The following GRIP1 variants were observed in gnomAD, a reference collection of about 807,000 sequenced individuals.
The protein encoded by GRIP1 is glutamate receptor-interacting protein 1.
Under a neutral mutation model 129.9 loss-of-function variants are expected in GRIP1, and 45 were observed. The observed-to-expected ratio is 0.35, with a 90% CI of 0.27 to 0.44. The LOEUF is 0.44. Ranked by LOEUF, GRIP1 falls within the 20% of genes least tolerant of loss-of-function variation. The probability of loss-of-function intolerance (pLI) is 1.00; values close to 1 mark genes in which losing one functional copy is unlikely to be tolerated. For synonymous variants in GRIP1, 530 were observed against 520.8 expected, an observed-to-expected ratio of 1.02 and a Z score of -0.24; for missense variants, 1,196 against 1,396.8, an observed-to-expected ratio of 0.86 and a Z score of 2.29.
chr12:66,859,275 ACAAAAAAACAAAAAAACAAAAAAAC>A (rs557684348), intron 1 of GRIP1, among the ~76,000 whole-genome samples: 7,441 of 21,206 alleles, frequency 0.35, 874 homozygotes, highest in East Asian at 0.53. Context: ...AAACAAAAAA[ACAAAAAAACAAAAAAACAAAAAAAC>A]AAAAAAAAAC....
intron 23 of GRIP1, among the ~76,000 whole-genome samples, chr12:66,358,731 C>T (rs946314968): frequency 1.3e-5 from 2 of 152,190 alleles, no homozygotes; most frequent in Middle Eastern, 6.3e-3. Context: ...GCTGAGATTA[C>T]AGGCATGAGC....
chr12:66,454,235 C>T (rs1018183332), intron 11 of GRIP1, among the ~76,000 whole-genome samples: 1 of 152,160 alleles, frequency 6.6e-6, no homozygotes, highest in African/African-American at 2.4e-5. Flanking sequence ...GGAGAGAGAT[C>T]CTCCTGGGGA....
chr12:66,884,313 T>C (rs1034878514), intron 1 of GRIP1, among the ~76,000 whole-genome samples: 2 of 15,280 alleles, frequency 1.3e-4, no homozygotes, highest in Non-Finnish European at 7.5e-4. Flanking sequence ...AGAGAGCTAT[T>C]TGAGAAATTG....
chr12:66,730,713 A>C (rs1213895129), intron 1 of GRIP1, among the ~76,000 whole-genome samples: 1 of 151,714 alleles, frequency 6.6e-6, no homozygotes, highest in Non-Finnish European at 1.5e-5. Context: ...AAAAAAAAAA[A>C]AAAAAAAACT....
chr12:66,891,449 G>A (rs1006133721), intron 1 of GRIP1, among the ~76,000 whole-genome samples: 5 of 152,198 alleles, frequency 3.3e-5, no homozygotes, highest in African/African-American at 1.2e-4. Flanking sequence ...CAGTCAGGAA[G>A]TAACAAGAAA....
chr12:66,856,362 A>G (rs2040003827), intron 1 of GRIP1, among the ~76,000 whole-genome samples: 1 of 152,320 alleles, frequency 6.6e-6, no homozygotes, highest in South Asian at 2.1e-4. Flanking sequence ...AGAAGCCAAA[A>G]TTGACAAATG....
upstream of GRIP1, among the ~76,000 whole-genome samples, chr12:66,682,806 C>A (rs1388859668): frequency 6.6e-6 from 1 of 152,184 alleles, no homozygotes; most frequent in Non-Finnish European, 1.5e-5. Context: ...AAATACTCAA[C>A]TATTTTATAT....
At chr12:66,965,135 A>C (rs113505263) in intron 1 of GRIP1, among the ~76,000 whole-genome samples, 1 of 152,250 alleles carries the variant, frequency 6.6e-6, no homozygotes, top group Non-Finnish European at 1.5e-5. Flanking sequence ...ATAATATTCT[A>C]TAATCGATTC....
At chr12:66,962,404 T>C (rs2041934303) in intron 1 of GRIP1, among the ~76,000 whole-genome samples, 2 of 152,064 alleles carry the variant, frequency 1.3e-5, no homozygotes, top group South Asian at 4.2e-4. Flanking sequence ...AGATAGTAAG[T>C]GGGGAGTCTT....
At chr12:66,529,003 A>G (rs2061357138) in intron 5 of GRIP1, among the ~76,000 whole-genome samples, 1 of 152,224 alleles carries the variant, frequency 6.6e-6, no homozygotes, top group Admixed American at 6.5e-5. Flanking sequence ...GACAATTCTC[A>G]AAAGAAGATA....
At chr12:66,496,286 A>G (rs1453831412) in intron 7 of GRIP1, among the ~76,000 whole-genome samples, 1 of 152,180 alleles carries the variant, frequency 6.6e-6, no homozygotes. Context: ...ATATGGCAGG[A>G]GCTGGACCAC....
chr12:66,630,910 T>C (rs2030701573), intron 1 of GRIP1, among the ~76,000 whole-genome samples: 1 of 152,138 alleles, frequency 6.6e-6, no homozygotes. Flanking sequence ...ATTGGGATAA[T>C]TTTAGTAATA....
rs761582474 is a variant in GRIP1, at chr12:66,354,224, C to G, written c.3013-661G>C. On this transcript the variant is annotated intron_variant, in intron 23 of 24. Coordinates refer to ENST00000359742, the MANE Select transcript of GRIP1 (RefSeq NM_001366722.1). ...ACCCTGAGTGCTGCGGCCTGCCCCCCACCCCGGGTCTCTCTGCATCTAAGG... is the reference window on the plus strand; with the variant it reads ...ACCCTGAGTGCTGCGGCCTGCCCCCGACCCCGGGTCTCTCTGCATCTAAGG... Among the ~76,000 whole-genome samples the G allele has an allele frequency of 2.4e-4, 36 of 152,196 alleles. 1 individual carries two copies. The highest frequency in any genetic ancestry group is 2.2e-3 in the Admixed American group (34 of 15,286).
In GRIP1 at chr12:66,357,614, C is replaced by T. The variant is rs148179276; in HGVS notation, c.3013-4051G>A. Among the ~76,000 whole-genome samples the T allele has an allele frequency of 2.7e-3, 418 of 152,200 alleles. 3 individuals are homozygous for T. Among genetic ancestry groups the T allele is most frequent in the African/African-American group, 8.7e-3 (361 of 41,512 alleles). On this transcript the variant is annotated intron_variant, in intron 23 of 24. Coordinates refer to ENST00000359742, the MANE Select transcript of GRIP1 (RefSeq NM_001366722.1). ...CAAAATTTCATTAGGGGTTGCAAAGCGATAATCTTTTTCTAATCCTATTAA... is the reference window on the plus strand; with the variant it reads ...CAAAATTTCATTAGGGGTTGCAAAGTGATAATCTTTTTCTAATCCTATTAA...
intron 1 of GRIP1, among the ~76,000 whole-genome samples, chr12:66,740,414 G>A (rs577112767): frequency 3.9e-5 from 6 of 152,216 alleles, no homozygotes; most frequent in African/African-American, 1.4e-4. Context: ...CTTCAACAAA[G>A]GATGTTAAGA....
At chr12:66,890,799 A>G (rs2040646176) in intron 1 of GRIP1, among the ~76,000 whole-genome samples, 1 of 152,214 alleles carries the variant, frequency 6.6e-6, no homozygotes, top group Admixed American at 6.5e-5. Context: ...GCAAGAGGGT[A>G]GAGAATGTGA....
intron 1 of GRIP1, among the ~76,000 whole-genome samples, chr12:66,738,204 G>T (rs1329836015): frequency 6.6e-6 from 1 of 151,590 alleles, no homozygotes; most frequent in African/African-American, 2.4e-5. Flanking sequence ...TGATGTCATA[G>T]ATTTCTCTTT....
intron 1 of GRIP1, among the ~76,000 whole-genome samples, chr12:66,956,446 G>A (rs955291231): frequency 6.6e-6 from 1 of 152,116 alleles, no homozygotes; most frequent in Non-Finnish European, 1.5e-5. Flanking sequence ...AGCTGGTTAA[G>A]GTGGTATCTG....
At chr12:66,950,494 A>T (rs1307202119) in intron 1 of GRIP1, among the ~76,000 whole-genome samples, 2 of 152,178 alleles carry the variant, frequency 1.3e-5, no homozygotes, top group Non-Finnish European at 2.9e-5. Flanking sequence ...CATAGTTCTA[A>T]AATATTTTCT....
Sources: gnomAD v4.1 joint callset for allele counts (sites outside exome capture counted in the v4.1 genomes callset) on GRCh38, gnomAD v4.1.1 for gene constraint, MANE v1.5 for transcripts, NCBI Gene and HGNC (gene_info 2026-07-23, HGNC 2026-07-21) for gene names.